The following SPMAP2 variants were observed in gnomAD, a reference collection of about 807,000 sequenced individuals.
The protein encoded by SPMAP2 is Theg homolog.
the SPMAP2 span, among the ~76,000 whole-genome samples, chr19:369,662 C>T: frequency 6.6e-6 from 1 of 152,120 alleles, no homozygotes; most frequent in Non-Finnish European, 1.5e-5. Flanking sequence ...AGCTTTTAAT[C>T]GCCTGGTGCA....
the SPMAP2 span, among the ~76,000 whole-genome samples, chr19:363,299 T>C: frequency 6.6e-6 from 1 of 151,620 alleles, no homozygotes; most frequent in Non-Finnish European, 1.5e-5. Context: ...TTCAAGCAAT[T>C]CTCCTGCCTC....
the SPMAP2 span, among the ~76,000 whole-genome samples, chr19:364,573 G>GACTC: frequency 1.4e-3 from 212 of 151,524 alleles, 1 homozygote; most frequent in African/African-American, 4.8e-3. Flanking sequence ...CCACAGCCAA[G>GACTC]AGAGCTCAAG....
the SPMAP2 span, among the ~76,000 whole-genome samples, chr19:370,993 G>C: frequency 1.3e-5 from 2 of 152,172 alleles, no homozygotes; most frequent in Admixed American, 1.3e-4. Flanking sequence ...TGGAAGCTTT[G>C]GGATCCACCC....
At chr19:375,617 A>T in the SPMAP2 span, 13 of 1,490,598 alleles carry the variant, frequency 8.7e-6, no homozygotes, top group Non-Finnish European at 1.2e-5. Context: ...CCAGGGGCTG[A>T]GCCCTACCCC....
the SPMAP2 span, among the ~76,000 whole-genome samples, chr19:369,967 G>T: frequency 6.6e-6 from 1 of 152,180 alleles, no homozygotes; most frequent in Non-Finnish European, 1.5e-5. Context: ...GGGATGCGAC[G>T]GCTTGGCTTG....
At chr19:374,451 G>A in the SPMAP2 span, 3 of 1,613,720 alleles carry the variant, frequency 1.9e-6, no homozygotes, top group South Asian at 1.1e-5. Flanking sequence ...TGAAGTTGGA[G>A]CTGCTTTCCC....
chr19:375,529 C>T, the SPMAP2 span: 1 of 1,024,012 alleles, frequency 9.8e-7, no homozygotes, highest in Non-Finnish European at 1.4e-6. Context: ...GGCCGGGCCC[C>T]TCGGGAGCAG....
the SPMAP2 span, chr19:362,279 C>T: frequency 6.3e-7 from 1 of 1,599,932 alleles, no homozygotes. Context: ...GAGGGGACGC[C>T]TGTCGTATCC....
the SPMAP2 span, among the ~76,000 whole-genome samples, chr19:370,503 G>A: frequency 7.6e-5 from 7 of 92,604 alleles, no homozygotes; most frequent in African/African-American, 1.4e-4. Flanking sequence ...CACCACCCCC[G>A]GCTAATTTTT....
At chr19:372,764 T>A in the SPMAP2 span, 1 of 1,515,942 alleles carries the variant, frequency 6.6e-7, no homozygotes, top group South Asian at 1.1e-5. Context: ...TCCCAGGGGC[T>A]TCTGCATGCG....
the SPMAP2 span, chr19:374,100 C>A: frequency 6.7e-7 from 1 of 1,501,370 alleles, no homozygotes; most frequent in Non-Finnish European, 9.2e-7. Context: ...TGGCCACCGC[C>A]CAGAGGGCCA....
the SPMAP2 span, chr19:372,851 C>A: frequency 5.6e-6 from 4 of 712,838 alleles, no homozygotes; most frequent in Admixed American, 2.3e-5. Flanking sequence ...GGGCCAGACA[C>A]CCTGCAGAGA....
chr19:374,359 C>T, the SPMAP2 span: 1 of 1,614,028 alleles, frequency 6.2e-7, no homozygotes, highest in African/African-American at 1.3e-5. Flanking sequence ...CCTCCTCCGC[C>T]TCCTCCTCTT....
chr19:373,077 T>C, the SPMAP2 span, among the ~76,000 whole-genome samples: 9 of 152,236 alleles, frequency 5.9e-5, no homozygotes, highest in Admixed American at 3.9e-4. Flanking sequence ...GTGATGACTG[T>C]AGGTCTAAAG....
chr19:373,678 G>A, the SPMAP2 span: 8 of 676,956 alleles, frequency 1.2e-5, no homozygotes, highest in African/African-American at 1.1e-4. Flanking sequence ...CAGTGGGGGG[G>A]CCGGCGGGAC....
chr19:374,371 C>T, the SPMAP2 span: 15 of 1,614,024 alleles, frequency 9.3e-6, no homozygotes, highest in East Asian at 2.2e-5. Context: ...CCTCCTCTTC[C>T]TTGCTTTGGT....
the SPMAP2 span, chr19:362,144 A>G: frequency 7.9e-3 from 10,352 of 1,317,330 alleles, 623 homozygotes; most frequent in African/African-American, 0.13. Flanking sequence ...AAAAGCTCAG[A>G]ATAATCACAT....
the SPMAP2 span, among the ~76,000 whole-genome samples, chr19:371,854 G>A: frequency 2.0e-5 from 3 of 152,202 alleles, no homozygotes; most frequent in Non-Finnish European, 4.4e-5. Context: ...TGATTCTAAG[G>A]CAAGGTCTCC....
chr19:375,823 G>T, the SPMAP2 span: 2 of 1,606,976 alleles, frequency 1.2e-6, no homozygotes. Context: ...GCATTGTCCA[G>T]GTCCTGGCGT....
Sources: allele counts gnomAD v4.1 joint callset (sites outside exome capture counted in the v4.1 genomes callset), GRCh38; gene constraint gnomAD v4.1.1; transcripts MANE v1.5; gene names NCBI Gene and HGNC (gene_info 2026-07-23, HGNC 2026-07-21).